The following SVOP variants were observed in gnomAD, a reference collection of about 807,000 sequenced individuals.
SVOP encodes the protein synaptic vesicle 2-related protein.
In SVOP, 17 loss-of-function variants were observed where a neutral mutation model predicts 69.1. The observed-to-expected ratio is 0.25, with a 90% CI of 0.17 to 0.37. SVOP has a LOEUF of 0.37. Among genes scored for constraint, SVOP ranks in the 10% least tolerant of loss-of-function variants. The pLI is 1.00. For synonymous variants in SVOP, 238 were observed against 238.6 expected, an observed-to-expected ratio of 1.00 and a Z score of 0.02; for missense variants, 435 against 597.5, an observed-to-expected ratio of 0.73 and a Z score of 2.84.
chr12:108,949,685 CCTTA>C (rs888418410), intron 6 of SVOP, among the ~76,000 whole-genome samples: 1 of 151,922 alleles, frequency 6.6e-6, no homozygotes, highest in African/African-American at 2.4e-5. Flanking sequence ...TTCCTCCCTC[CCTTA>C]CTTCTTTCCT....
At position 108,991,946 on chromosome 12, in the gene SVOP, A is replaced by C. The variant is rs559494894; in HGVS notation, c.36-8185T>G. Among the ~76,000 whole-genome samples, 6 of 152,154 alleles carry C rather than the reference A, an allele frequency of 3.9e-5. No individual in the cohort carries two copies. In the South Asian group the frequency reaches 1.2e-3, roughly 32 times the overall value. On this transcript the variant is annotated intron_variant, in intron 1 of 15. Transcript: ENST00000610966. ...GACAACAGAGTGAGATCCTGACTCT[A>C]AAGAAATAAAGAAATAAACCAAAGT...
intron 14 of SVOP, among the ~76,000 whole-genome samples, chr12:108,917,218 G>A (rs142591588): frequency 3.3e-5 from 5 of 152,314 alleles, no homozygotes; most frequent in East Asian, 3.9e-4. Context: ...CTCAACACTC[G>A]AGATTTGTCA....
chr12:108,949,820 A>G (rs543734331), intron 6 of SVOP, among the ~76,000 whole-genome samples: 3 of 151,862 alleles, frequency 2.0e-5, no homozygotes, highest in South Asian at 4.2e-4. Context: ...GACCCTTTCC[A>G]GAGAACTTTC....
Position 108,941,087 on chromosome 12 carries a change from C to T in SVOP, c.643-178G>A, listed in dbSNP as rs139481051. On this transcript the variant is annotated intron_variant, in intron 7 of 15. Transcript: ENST00000610966. ...GTTGGGCCAGGGCTGCCATGTTGCC[C>T]AGCTCACAAGGGTACCATTATACAC... 7.9e-3 allele frequency among the ~76,000 whole-genome samples: 1,204 copies of T among 152,280 alleles called. 13 individuals are homozygous for T. The highest frequency in any genetic ancestry group is 0.027 in the African/African-American group (1,127 of 41,560).
At chr12:108,988,199 A>G (rs2040177051) in intron 1 of SVOP, among the ~76,000 whole-genome samples, 1 of 152,148 alleles carries the variant, frequency 6.6e-6, no homozygotes, top group African/African-American at 2.4e-5. Context: ...TGCTGGGATT[A>G]CAGGTGTGAG....
intron 12 of SVOP, 91 bp downstream of exon 12, chr12:108,922,599 C>T (rs1039609590): frequency 9.7e-6 from 9 of 926,632 alleles, no homozygotes; most frequent in Admixed American, 2.2e-5. Flanking sequence ...ATGGGATTTG[C>T]TTCCAGGTAG....
chr12:108,972,536 A>T lies in SVOP; in HGVS notation c.382-60T>A. The T allele has an allele frequency of 1.8e-5, 27 of 1,499,964 alleles. No individual in the cohort carries two copies. The South Asian group carries it at 3.2e-4, about 18-fold the overall frequency. 92.9% of individuals were successfully genotyped at this position (1,499,964 alleles called of 1,614,324 possible). On this transcript the variant is annotated intron_variant, in intron 4 of 15. Transcript: ENST00000610966. ...GATGTGGATCATTGCACAGAAAGGG[A>T]ACAACAAACGGAAGTGGTGACGTCA...
intron 14 of SVOP, among the ~76,000 whole-genome samples, chr12:108,916,835 C>T (rs114722046): frequency 0.035 from 5,392 of 152,268 alleles, 135 homozygotes; most frequent in Middle Eastern, 0.092. Context: ...CTCGACCTCC[C>T]CGGGTTCAAG....
At chr12:109,002,998 T>A (rs1271639880) in intron 1 of SVOP, among the ~76,000 whole-genome samples, 1 of 29,188 alleles carries the variant, frequency 3.4e-5, no homozygotes, top group Non-Finnish European at 9.7e-5. Flanking sequence ...AATAAATAAA[T>A]AAATAAAAAT....
chr12:108,965,744 C>T (rs765267485), intron 5 of SVOP, among the ~76,000 whole-genome samples: 2 of 152,100 alleles, frequency 1.3e-5, no homozygotes, highest in East Asian at 1.9e-4. Flanking sequence ...TTCTCTAACA[C>T]GTTCAACCGA....
At chr12:109,011,415 G>A (rs2040340833) in intron 1 of SVOP, among the ~76,000 whole-genome samples, 1 of 152,200 alleles carries the variant, frequency 6.6e-6, no homozygotes, top group Non-Finnish European at 1.5e-5. Flanking sequence ...CTTTTTGCCT[G>A]AAGTGAGTGA....
At chr12:108,939,018 C>T (rs1208946566) in intron 8 of SVOP, 63 bp from the exon 9 acceptor site, 2 of 1,609,968 alleles carry the variant, frequency 1.2e-6, no homozygotes, top group Non-Finnish European at 1.7e-6. Context: ...GCACTCGCTT[C>T]TAGCCACACA....
chr12:108,915,990 G>T, intron 14 of SVOP, 118 bp from the exon 15 acceptor site: 2 of 937,126 alleles, frequency 2.1e-6, no homozygotes, highest in Non-Finnish European at 3.1e-6. Flanking sequence ...AATCCCTCCA[G>T]TGCTGGTGAC....
intron 2 of SVOP, among the ~76,000 whole-genome samples, chr12:108,979,070 G>A (rs968520964): frequency 1.6e-5 from 2 of 128,946 alleles, no homozygotes; most frequent in African/African-American, 5.6e-5. Context: ...TCTATTCTTG[G>A]AAATGTACGC....
intron 11 of SVOP, among the ~76,000 whole-genome samples, chr12:108,930,549 C>T (rs1024142102): frequency 4.6e-5 from 7 of 151,502 alleles, no homozygotes; most frequent in African/African-American, 1.7e-4. Flanking sequence ...GCAATTCTGC[C>T]TCAGCTTCCT....
intron 11 of SVOP, among the ~76,000 whole-genome samples, chr12:108,927,513 C>G (rs1373632415): frequency 1.3e-5 from 2 of 152,060 alleles, no homozygotes; most frequent in African/African-American, 4.8e-5. Context: ...CAAATATAAG[C>G]CCACAGGGCA....
At chr12:108,961,148 G>A (rs1458076593) in intron 5 of SVOP, 101 bp from the exon 6 acceptor site, 1 of 1,396,022 alleles carries the variant, frequency 7.2e-7, no homozygotes, top group Non-Finnish European at 9.4e-7. Context: ...ACATTAAAGG[G>A]AGCCTACACA....
At chr12:108,954,906 G>C (rs1309168365) in intron 6 of SVOP, among the ~76,000 whole-genome samples, 2 of 152,146 alleles carry the variant, frequency 1.3e-5, no homozygotes, top group Non-Finnish European at 2.9e-5. Context: ...GGTGGTGTGT[G>C]CCTGGAAGGC....
At position 108,938,762 on chromosome 12, in the gene SVOP, T is replaced by G. The variant is rs1212137735; in HGVS notation, c.897+65A>C. The G allele has an allele frequency of 8.7e-6, 14 of 1,609,028 alleles. No homozygotes were observed. In the East Asian group the frequency reaches 1.1e-4, roughly 13 times the overall value. On this transcript the variant is annotated intron_variant, in intron 9 of 15. Coordinates refer to ENST00000610966, the MANE Select transcript of SVOP (RefSeq NM_018711.5). ...CCTCGCATGCATGCCCTACTCCATA[T>G]GCACACACTCCCCTGCATGCACCCC... is the stretch of plus-strand genomic sequence containing the variant.
Sources: gnomAD v4.1 joint callset for allele counts (sites outside exome capture counted in the v4.1 genomes callset) on GRCh38, gnomAD v4.1.1 for gene constraint, MANE v1.5 for transcripts, NCBI Gene and HGNC (gene_info 2026-07-23, HGNC 2026-07-21) for gene names.